The following EPHB2 variants were observed in gnomAD, a reference collection of about 807,000 sequenced individuals.
EPHB2 encodes EPH receptor B2, also known as ephrin type-B receptor 2.
In EPHB2, 18 loss-of-function variants were observed where a neutral mutation model predicts 96.4. The observed-to-expected ratio is 0.19, with a 90% CI of 0.13 to 0.28. The LOEUF is 0.28. Among genes scored for constraint, EPHB2 ranks in the 10% least tolerant of loss-of-function variants. The pLI is 1.00. For synonymous variants in EPHB2, 506 were observed against 534.1 expected (o/e 0.95, Z 0.72); for missense variants, 989 against 1,355.4 (o/e 0.73, Z 4.25).
At chr1:22,712,428 G>C (rs1643178317) in intron 1 of EPHB2, among the ~76,000 whole-genome samples, 1 of 152,210 alleles carries the variant, frequency 6.6e-6, no homozygotes, top group Non-Finnish European at 1.5e-5. Flanking sequence ...TTAGGGTTGT[G>C]GGGCGCCCCT....
intron 1 of EPHB2, among the ~76,000 whole-genome samples, chr1:22,747,940 G>A (rs1644000851): frequency 6.6e-6 from 1 of 152,216 alleles, no homozygotes; most frequent in South Asian, 2.1e-4. Context: ...ATAACACACT[G>A]TGGTGGAGCT....
chr1:22,768,135 C>T lies in EPHB2; in HGVS notation c.62-13286C>T, dbSNP rs376157161. ...GGGAGGGATGCAGGCATTCTGGAAA[C>T]GTCTCCTCCGAGGCAGCAGCCTCTC... On this transcript the variant is annotated intron_variant, in intron 1 of 15. Transcript: ENST00000374630. Among the ~76,000 whole-genome samples the T allele has an allele frequency of 8.3e-4, 127 of 152,288 alleles. No homozygotes were observed. The South Asian group carries it at 8.7e-3, about 10-fold the overall frequency.
At chr1:22,723,553 C>T (rs1643517336) in intron 1 of EPHB2, among the ~76,000 whole-genome samples, 2 of 152,256 alleles carry the variant, frequency 1.3e-5, no homozygotes, top group Admixed American at 1.3e-4. Context: ...CCAGCCCCTT[C>T]TGGAGTTGAA....
chr1:22,766,096 C>A (rs528912474), intron 1 of EPHB2, among the ~76,000 whole-genome samples: 1 of 152,300 alleles, frequency 6.6e-6, no homozygotes, highest in South Asian at 2.1e-4. Context: ...TAAATAAGGC[C>A]AAGTGAACAC....
intron 2 of EPHB2, among the ~76,000 whole-genome samples, chr1:22,782,014 A>G (rs1644540080): frequency 6.6e-6 from 1 of 152,020 alleles, no homozygotes; most frequent in South Asian, 2.1e-4. Flanking sequence ...GGGTCCCCAT[A>G]ACACAAAGCT....
chr1:22,782,635 T>A (rs1382852566), intron 2 of EPHB2, among the ~76,000 whole-genome samples: 1 of 151,882 alleles, frequency 6.6e-6, no homozygotes, highest in Non-Finnish European at 1.5e-5. Flanking sequence ...TTATTTGGGG[T>A]GTTTAGGCTG....
intron 1 of EPHB2, among the ~76,000 whole-genome samples, chr1:22,765,688 C>T (rs1160130864): frequency 1.3e-5 from 2 of 152,110 alleles, no homozygotes; most frequent in Non-Finnish European, 1.5e-5. Flanking sequence ...CCACACATTG[C>T]TACCTCACCA....
intron 2 of EPHB2, among the ~76,000 whole-genome samples, chr1:22,783,735 G>C (rs907057920): frequency 1.3e-5 from 2 of 152,192 alleles, no homozygotes; most frequent in Non-Finnish European, 2.9e-5. Context: ...TGCTGGGTTT[G>C]TGAGAGCCCA....
chr1:22,849,570 G>C (rs1409919292), intron 3 of EPHB2, among the ~76,000 whole-genome samples: 1 of 152,164 alleles, frequency 6.6e-6, no homozygotes. Flanking sequence ...GCGGACCAGG[G>C]GATCCATATA....
chr1:22,764,521 G>A (rs919509447), intron 1 of EPHB2, among the ~76,000 whole-genome samples: 10 of 152,068 alleles, frequency 6.6e-5, no homozygotes, highest in Non-Finnish European at 1.2e-4. Flanking sequence ...CGAGCCAGGC[G>A]GATCATTTGA....
At chr1:22,717,042 A>C (rs534849613) in intron 1 of EPHB2, among the ~76,000 whole-genome samples, 100 of 152,344 alleles carry the variant, frequency 6.6e-4, no homozygotes, top group Non-Finnish European at 1.2e-3. Context: ...TTTGCCCCCC[A>C]GCGGCCTATG....
intron 1 of EPHB2, among the ~76,000 whole-genome samples, chr1:22,716,231 C>A (rs1570138732): frequency 6.6e-6 from 1 of 152,208 alleles, no homozygotes; most frequent in Admixed American, 6.5e-5. Context: ...TCTTTGTTCA[C>A]CCTGAAATTG....
chr1:22,813,761 C>T (rs527257336), intron 3 of EPHB2, among the ~76,000 whole-genome samples: 10 of 152,346 alleles, frequency 6.6e-5, no homozygotes, highest in African/African-American at 2.4e-4. Flanking sequence ...AGTTAGGGAG[C>T]CTTCACAGCC....
intron 9 of EPHB2, among the ~76,000 whole-genome samples, chr1:22,903,888 A>G (rs1639825626): frequency 6.6e-6 from 1 of 152,182 alleles, no homozygotes; most frequent in Admixed American, 6.5e-5. Flanking sequence ...ACAGTCTTGG[A>G]TGGTGGTTCT....
At chr1:22,755,563 G>A (rs1439294024) in intron 1 of EPHB2, among the ~76,000 whole-genome samples, 1 of 152,130 alleles carries the variant, frequency 6.6e-6, no homozygotes, top group African/African-American at 2.4e-5. Flanking sequence ...GACAGAGAGG[G>A]GAGCCATCTC....
At chr1:22,895,040 G>A (rs939214749) in intron 7 of EPHB2, among the ~76,000 whole-genome samples, 3 of 152,212 alleles carry the variant, frequency 2.0e-5, no homozygotes, top group Non-Finnish European at 4.4e-5. Context: ...GCACAAAGAG[G>A]TAAGTCACTT....
At chr1:22,752,883 A>G (rs1644086340) in intron 1 of EPHB2, among the ~76,000 whole-genome samples, 1 of 151,984 alleles carries the variant, frequency 6.6e-6, no homozygotes, top group Non-Finnish European at 1.5e-5. Context: ...TACTGGGCTC[A>G]AGCAATCTTC....
intron 1 of EPHB2, among the ~76,000 whole-genome samples, chr1:22,781,009 A>G (rs1488426959): frequency 6.6e-6 from 1 of 152,054 alleles, no homozygotes; most frequent in African/African-American, 2.4e-5. Flanking sequence ...CTCTCAGTAA[A>G]GAAGGATGAG....
At chr1:22,794,953 A>C (rs564782961) in intron 3 of EPHB2, among the ~76,000 whole-genome samples, 169 of 152,354 alleles carry the variant, frequency 1.1e-3, no homozygotes, top group East Asian at 3.3e-3. Flanking sequence ...TAACAGTTTA[A>C]GCCTTTCTAA....
Sources: gnomAD v4.1 joint callset for allele counts (sites outside exome capture counted in the v4.1 genomes callset) on GRCh38, gnomAD v4.1.1 for gene constraint, MANE v1.5 for transcripts, NCBI Gene and HGNC (gene_info 2026-07-23, HGNC 2026-07-21) for gene names.